Variants in PHKB observed in about 807,000 individuals in gnomAD.
The protein encoded by PHKB is phosphorylase b kinase regulatory subunit beta.
In PHKB, 122 loss-of-function variants were observed where a neutral mutation model predicts 152.1. That is an observed-to-expected ratio of 0.80 (90% CI 0.69 to 0.93). The LOEUF (loss-of-function observed/expected upper bound fraction) is 0.93, where lower values mean the gene tolerates loss of function less well. PHKB is among the 40% of genes least tolerant of loss of function. The probability of loss-of-function intolerance (pLI) is 0.00; values close to 1 mark genes in which losing one functional copy is unlikely to be tolerated. For missense variants in PHKB, 1,304 were observed against 1,328.4 expected (o/e 0.98, Z 0.29); for synonymous variants, 436 against 464.9 (o/e 0.94, Z 0.80).
chr16:47,667,155 G>A (rs1356143176), intron 25 of PHKB, among the ~76,000 whole-genome samples: 1 of 152,068 alleles, frequency 6.6e-6, no homozygotes, highest in Non-Finnish European at 1.5e-5. Flanking sequence ...GATTCCTGCT[G>A]GGCATGGTGG....
At chr16:47,637,105 A>G (rs1446817824) in intron 14 of PHKB, among the ~76,000 whole-genome samples, 2 of 152,190 alleles carry the variant, frequency 1.3e-5, no homozygotes, top group African/African-American at 4.8e-5. Context: ...AGCTGCCTGC[A>G]GAAAGGAGCT....
intron 13 of PHKB, among the ~76,000 whole-genome samples, chr16:47,603,222 C>T (rs563471112): frequency 2.6e-5 from 4 of 152,226 alleles, no homozygotes; most frequent in Admixed American, 6.5e-5. Flanking sequence ...CAGGATAGCA[C>T]GTGGTTTTCT....
At chr16:47,594,621 G>A (rs1972087034) in intron 12 of PHKB, among the ~76,000 whole-genome samples, 1 of 152,142 alleles carries the variant, frequency 6.6e-6, no homozygotes, top group Admixed American at 6.5e-5. Context: ...CCCCTCTTTG[G>A]AGTTTTTTCT....
At chr16:47,695,231 T>A (rs1216804460) in intron 28 of PHKB, among the ~76,000 whole-genome samples, 1 of 152,154 alleles carries the variant, frequency 6.6e-6, no homozygotes, top group Non-Finnish European at 1.5e-5. Context: ...TGGTATCTCT[T>A]CTGTAGTTGC....
At chr16:47,660,621 A>G in intron 21 of PHKB, 36 bp from the exon 22 acceptor site, 1 of 1,613,130 alleles carries the variant, frequency 6.2e-7, no homozygotes, top group Non-Finnish European at 8.5e-7. Flanking sequence ...ACATTAGAAA[A>G]GCAGAAAATA....
chr16:47,571,863 A>G (rs1971665005), intron 7 of PHKB, among the ~76,000 whole-genome samples: 1 of 152,172 alleles, frequency 6.6e-6, no homozygotes, highest in Non-Finnish European at 1.5e-5. Context: ...CTCAAGGTTC[A>G]TACTTTGGTT....
At chr16:47,609,539 ATG>A (rs1245063995) in intron 13 of PHKB, among the ~76,000 whole-genome samples, 1 of 144,500 alleles carries the variant, frequency 6.9e-6, no homozygotes, top group Admixed American at 6.7e-5. Context: ...CTATGTGTGG[ATG>A]TGTGTGTGTG....
intron 6 of PHKB, among the ~76,000 whole-genome samples, chr16:47,538,085 G>T (rs1418729580): frequency 6.6e-6 from 1 of 152,080 alleles, no homozygotes; most frequent in Non-Finnish European, 1.5e-5. Context: ...TGTACAGACA[G>T]TGTCTTGCTA....
chr16:47,687,880 T>G (rs899531086), intron 26 of PHKB, among the ~76,000 whole-genome samples: 2 of 152,208 alleles, frequency 1.3e-5, no homozygotes, highest in Non-Finnish European at 2.9e-5. Context: ...TCAGGCCTGG[T>G]TGACACCCGG....
intron 20 of PHKB, among the ~76,000 whole-genome samples, chr16:47,657,325 T>C (rs981553274): frequency 6.6e-6 from 1 of 152,180 alleles, no homozygotes; most frequent in East Asian, 1.9e-4. Context: ...GATGTAGTGT[T>C]GAATATGATA....
chr16:47,557,326 A>C (rs1971392068), intron 7 of PHKB, among the ~76,000 whole-genome samples: 1 of 152,234 alleles, frequency 6.6e-6, no homozygotes, highest in Non-Finnish European at 1.5e-5. Flanking sequence ...GGCATGGGCA[A>C]GGACTTCATG....
chr16:47,604,053 A>G (rs1972281422), intron 13 of PHKB, among the ~76,000 whole-genome samples: 1 of 152,184 alleles, frequency 6.6e-6, no homozygotes, highest in Non-Finnish European at 1.5e-5. Context: ...TCCTATTAAA[A>G]GCAAAAACAT....
chr16:47,559,110 T>C (rs190530339), intron 7 of PHKB, among the ~76,000 whole-genome samples: 26 of 152,318 alleles, frequency 1.7e-4, no homozygotes, highest in Middle Eastern at 3.4e-3. Context: ...TTTTTATGCA[T>C]TGGGGCCTAA....
At chr16:47,572,378 C>G (rs935695626) in intron 7 of PHKB, among the ~76,000 whole-genome samples, 1 of 152,196 alleles carries the variant, frequency 6.6e-6, no homozygotes, top group Non-Finnish European at 1.5e-5. Flanking sequence ...AGTGAATTCT[C>G]CGATGGACTC....
At chr16:47,522,364 A>G (rs1970698772) in intron 6 of PHKB, among the ~76,000 whole-genome samples, 1 of 151,846 alleles carries the variant, frequency 6.6e-6, no homozygotes, top group Non-Finnish European at 1.5e-5. Flanking sequence ...AGTCCTCTTT[A>G]TTTCTCTAAG....
intron 7 of PHKB, among the ~76,000 whole-genome samples, chr16:47,548,596 G>T (rs1459770009): frequency 1.4e-5 from 2 of 142,788 alleles, no homozygotes; most frequent in Admixed American, 7.0e-5. Context: ...GACAGAGCAA[G>T]ACTCCGTCTC....
chr16:47,660,785 ACAAACC>A lies in PHKB; in HGVS notation c.2165_2170del (p.Lys722_Pro723del), dbSNP rs1461236954. 1.2e-6 allele frequency: 2 copies of A among 1,613,976 alleles called. No individual in the cohort carries two copies. The highest frequency in any genetic ancestry group is 2.7e-5 in the African/African-American group (2 of 74,908). ...GATGTCAACATTAGTGAATGGAAGG[ACAAACC>A]CACCCACGAAATTCTTCAAAAACTG... is the stretch of plus-strand genomic sequence containing the variant. On this transcript the variant is annotated inframe_deletion, in exon 22 of 31. Coordinates refer to ENST00000323584, the MANE Select transcript of PHKB (RefSeq NM_000293.3).
chr16:47,628,703 CCGCAT>C (rs1260841391), intron 14 of PHKB, among the ~76,000 whole-genome samples: 2 of 152,058 alleles, frequency 1.3e-5, no homozygotes, highest in Non-Finnish European at 2.9e-5. Flanking sequence ...AAAAAAGAGC[CCGCAT>C]CGCCAAGTCT....
intron 5 of PHKB, among the ~76,000 whole-genome samples, chr16:47,513,913 T>A (rs1970551681): frequency 6.6e-6 from 1 of 152,202 alleles, no homozygotes; most frequent in Non-Finnish European, 1.5e-5. Context: ...TTTTAGTATA[T>A]TCAGAGTTTC....
Sources: gnomAD v4.1 joint callset for allele counts (sites outside exome capture counted in the v4.1 genomes callset) on GRCh38, gnomAD v4.1.1 for gene constraint, MANE v1.5 for transcripts, NCBI Gene and HGNC (gene_info 2026-07-23, HGNC 2026-07-21) for gene names.